The following LEFTY1 variants were observed in gnomAD, a reference collection of about 807,000 sequenced individuals.
The protein encoded by LEFTY1 is left-right determination factor B.
In LEFTY1, 18 loss-of-function variants were observed where a neutral mutation model predicts 22.6. The observed-to-expected ratio is 0.80, with a 90% CI of 0.55 to 1.18. LEFTY1 has a LOEUF of 1.18. LEFTY1 is among the 50% of genes most tolerant of loss of function. The pLI is 0.00. For missense variants in LEFTY1, 414 were observed against 495.4 expected (o/e 0.84, Z 1.56); for synonymous variants, 201 against 231.5 (o/e 0.87, Z 1.20).
rs773944551 is a variant in LEFTY1 at position 225,887,623 on chromosome 1, G to C, written c.513C>G (p.His171Gln). Residue 171 changes from histidine (H) to glutamine (Q), a missense_variant, in exon 3 of 4, where the codon CAC (histidine) becomes CAG (glutamine). Around this residue, in one of 2 missense-constraint regions of LEFTY1, gnomAD observed 398 missense variants for 454.7 expected, o/e 0.88. Transcript: ENST00000272134. ...SLIDSRLVSVHESGWKAFDVT... is the reference protein window; with the variant it reads ...SLIDSRLVSVQESGWKAFDVT... The stretch of plus-strand genomic sequence containing the variant: ...CGTCGAAGGCCTTCCAGCCGCTCTC[G>C]TGGACGGACACCAGCCTGAGACATG... 5 of 1,612,310 alleles carry C rather than the reference G, an allele frequency of 3.1e-6. 1 individual carries two copies. Among genetic ancestry groups the C allele is most frequent in the Non-Finnish European group, 3.4e-6 (4 of 1,179,778 alleles).
intron 1 of LEFTY1, among the ~76,000 whole-genome samples, chr1:225,888,396 A>G (rs1671332109): frequency 6.6e-6 from 1 of 152,160 alleles, no homozygotes; most frequent in Non-Finnish European, 1.5e-5. Flanking sequence ...CACCCCTGAC[A>G]GCCAGGTATA....
chr1:225,886,616 G>A lies in LEFTY1; in HGVS notation c.*111C>T, dbSNP rs1671282692. The A allele has an allele frequency of 6.4e-7, 1 of 1,552,622 alleles. No individual in the cohort carries two copies. Among genetic ancestry groups the A allele is most frequent in the African/African-American group, 1.4e-5 (1 of 73,512 alleles). The stretch of plus-strand genomic sequence containing the variant: ...GGAAGCAAATTCAGGGCTCACTAGA[G>A]AGCACAGAGCATTTGTCCATCAGCA... On this transcript the variant is annotated 3_prime_UTR_variant, in exon 4 of 4. Transcript: ENST00000272134.
chr1:225,887,369 C>T, intron 3 of LEFTY1, 30 bp downstream of exon 3: 1 of 1,611,366 alleles, frequency 6.2e-7, no homozygotes, highest in Non-Finnish European at 8.5e-7. Context: ...CTCTTTATTC[C>T]GGCTTACCAG....
At chr1:225,887,197 T>C (rs1559059658) in intron 3 of LEFTY1, 107 bp from the exon 4 acceptor site, 9 of 1,481,848 alleles carry the variant, frequency 6.1e-6, no homozygotes, top group Non-Finnish European at 8.1e-6. Flanking sequence ...AAAAGCTGGA[T>C]GTTTGTGATA....
chr1:225,887,849 ACCCGGG>A lies in LEFTY1; in HGVS notation c.428_433del (p.Ala143_Arg144del), dbSNP rs1490087199. Reference sequence around the variant, plus strand: ...GCGGACGCGCAGCCACTCGACGGTCACCCGGGCCCGGGCGCTGCGCGGGGACAGCCG... The same window carrying A: ...GCGGACGCGCAGCCACTCGACGGTCACCCGGGCGCTGCGCGGGGACAGCCG... On this transcript the variant is annotated inframe_deletion, in exon 2 of 4. Coordinates refer to ENST00000272134, the MANE Select transcript of LEFTY1 (RefSeq NM_020997.4). The A allele has an allele frequency of 8.5e-6, 13 of 1,530,784 alleles. No homozygotes were observed. The East Asian group carries it at 3.0e-4, about 35-fold the overall frequency. The allele number at this position is 1,530,784 out of a possible 1,614,324, so 94.8% of individuals were successfully genotyped here.
In LEFTY1 at chr1:225,888,867, C is replaced by T. The variant is rs760195038; in HGVS notation, c.200G>A (p.Arg67His). ...VRAQYVALLQ[R>H]SHGDRSRGKR... is the part of the protein sequence containing the mutation. ...TCCGCGGGAGCGGTCCCCGTGGCTGCGCTGCAGCAGGGCCACGTACTGGGC... is the reference window on the plus strand; with the variant it reads ...TCCGCGGGAGCGGTCCCCGTGGCTGTGCTGCAGCAGGGCCACGTACTGGGC... The change falls in exon 1 of 4, where the codon CGC (arginine) becomes CAC (histidine). Residue 67 changes from arginine to histidine, a missense_variant. Physicochemically the swap from Arg to His is conservative, Grantham distance 29. Transcript: ENST00000272134. The T allele has an allele frequency of 1.1e-5, 17 of 1,613,102 alleles. No individual in the cohort carries two copies. Among genetic ancestry groups the T allele is most frequent in the South Asian group, 3.3e-5 (3 of 91,070 alleles).
chr1:225,887,272 G>C, intron 3 of LEFTY1, 127 bp downstream of exon 3: 1 of 1,526,464 alleles, frequency 6.6e-7, no homozygotes, highest in East Asian at 2.3e-5. Context: ...TCTCCTAAGA[G>C]TCAGAGGAAG....
At position 225,886,674 on chromosome 1, in the gene LEFTY1, G is replaced by A. The variant is rs544009880; in HGVS notation, c.*53C>T. 3.7e-5 allele frequency: 59 copies of A among 1,610,136 alleles called. No individual in the cohort carries two copies. The highest frequency in any genetic ancestry group is 2.6e-5 in the Non-Finnish European group (31 of 1,179,334). ...CATCGCCAGCTCTCCTGGTACCCTC[G>A]AACACTTCAGAAACACACACAAGTC... On this transcript the variant is annotated 3_prime_UTR_variant, in exon 4 of 4. Coordinates refer to ENST00000272134, the MANE Select transcript of LEFTY1 (RefSeq NM_020997.4).
At chr1:225,888,687 C>T (rs1671337116) in intron 1 of LEFTY1, 130 bp downstream of exon 1, 2 of 1,258,350 alleles carry the variant, frequency 1.6e-6, no homozygotes, top group Non-Finnish European at 1.1e-6. Context: ...CACCTCACTG[C>T]CCCTTAGACC....
chr1:225,887,519 T>C lies in LEFTY1; in HGVS notation c.617A>G (p.Glu206Gly), dbSNP rs1473677890. The change falls in exon 3 of 4, where the codon GAG becomes GGG. Residue 206 changes from glutamate to glycine, a missense_variant. Physicochemically the swap from Glu to Gly is moderately conservative, Grantham distance 98 (BLOSUM62 -2). Coordinates refer to ENST00000272134, the MANE Select transcript of LEFTY1 (RefSeq NM_020997.4). ...PLLLQVSVQR[E>G]HLGPLASGAH... ...GCCGGACGCCAGCGGGCCCAGATGCTCCCTCTGCACCGACACCTGTAGCAG... is the reference window on the plus strand; with the variant it reads ...GCCGGACGCCAGCGGGCCCAGATGCCCCCTCTGCACCGACACCTGTAGCAG... 1 of 1,611,690 alleles carries C rather than the reference T, an allele frequency of 6.2e-7. No homozygotes were observed. The highest frequency in any genetic ancestry group is 8.5e-7 in the Non-Finnish European group (1 of 1,179,398).
chr1:225,887,034 C>A lies in LEFTY1; in HGVS notation c.794G>T (p.Arg265Leu). 6.3e-7 allele frequency: 1 copy of A among 1,598,106 alleles called. No individual in the cohort carries two copies. The highest frequency in any genetic ancestry group is 8.5e-7 in the Non-Finnish European group (1 of 1,171,402). Residue 265 changes from arginine to leucine, a missense_variant, in exon 4 of 4, where the codon CGC becomes CTC. Physicochemically the swap from Arg to Leu is moderately radical, Grantham distance 102. This residue lies in a region of LEFTY1 where 398 missense variants were observed against 454.7 expected (regional missense o/e 0.88). Coordinates refer to ENST00000272134, the MANE Select transcript of LEFTY1 (RefSeq NM_020997.4). Reference protein sequence around the residue: ...APMTEGTRCCRQEMYIDLQGM... With the variant: ...APMTEGTRCCLQEMYIDLQGM... ...CTGCAGGTCAATGTACATCTCCTGG[C>A]GGCAGCAGCGGGTGCCCTCGGTCAT... is the stretch of plus-strand genomic sequence containing the variant.
chr1:225,887,822 T>A lies in LEFTY1; in HGVS notation c.461A>T (p.Asp154Val), dbSNP rs1452191041. 7.8e-6 allele frequency: 12 copies of A among 1,536,706 alleles called. No individual in the cohort carries two copies. Among genetic ancestry groups the A allele is most frequent in the Non-Finnish European group, 8.7e-6 (10 of 1,147,832 alleles). ...RVTVEWLRVR[D>V]DGSNRTSLID... ...GAGGGAGGTGCGGTTGGAGCCGTCG[T>A]CGCGGACGCGCAGCCACTCGACGGT... Residue 154 changes from aspartate to valine, a missense_variant, in exon 2 of 4, where the codon GAC becomes GTC. Asp to Val is a radical substitution (Grantham distance 152, BLOSUM62 -3). This residue lies in a region of LEFTY1 where 398 missense variants were observed against 454.7 expected (regional missense o/e 0.88). Transcript: ENST00000272134.
chr1:225,888,951 T>C lies in LEFTY1; in HGVS notation c.116A>G (p.Glu39Gly), dbSNP rs776318086. 41 of 1,609,142 alleles carry C rather than the reference T, an allele frequency of 2.5e-5. 1 individual carries two copies. In the South Asian group the frequency reaches 4.4e-4, roughly 17 times the overall value. ...GSLLRQLQLK[E>G]VPTLDRADME... ...GTCGGCCCTGTCCAGGGTGGGCACC[T>C]CTTTGAGCTGCAGCTGCCGCAGCAG... Residue 39 changes from glutamate (E) to glycine (G), a missense_variant, in exon 1 of 4, where the codon GAG becomes GGG. Glu to Gly is a moderately conservative substitution (Grantham distance 98). Coordinates refer to ENST00000272134, the MANE Select transcript of LEFTY1 (RefSeq NM_020997.4).
At chr1:225,887,374 T>A (rs1366317664) in intron 3 of LEFTY1, 25 bp downstream of exon 3, 1 of 1,612,634 alleles carries the variant, frequency 6.2e-7, no homozygotes, top group Non-Finnish European at 8.5e-7. Flanking sequence ...TATTCCGGCT[T>A]ACCAGTTTGA....
At position 225,888,810 on chromosome 1, in the gene LEFTY1, G is replaced by T. The variant is rs199795988; in HGVS notation, c.250+7C>A. 8.8e-5 allele frequency: 142 copies of T among 1,612,932 alleles called. No homozygotes were observed. The highest frequency in any genetic ancestry group is 5.1e-4 in the Middle Eastern group (3 of 5,882). ...GGACCAGGGGCAGCAGGGAGGGAGG[G>T]CCTCACCTCGGAAGCTCTGGCTGAA... On this transcript the variant is annotated splice_region_variant and intron_variant, in intron 1 of 3. Coordinates refer to ENST00000272134, the MANE Select transcript of LEFTY1 (RefSeq NM_020997.4).
intron 1 of LEFTY1, 102 bp downstream of exon 1, chr1:225,888,715 T>G: frequency 6.6e-7 from 1 of 1,507,294 alleles, no homozygotes; most frequent in Non-Finnish European, 9.0e-7. Flanking sequence ...TCACTCAGCC[T>G]CCCACAGACC....
rs557314153 is a variant in LEFTY1, at chr1:225,887,170, T to A, written c.738-80A>T. 7.9e-6 allele frequency: 12 copies of A among 1,511,118 alleles called. No individual in the cohort carries two copies. In the East Asian group the frequency reaches 2.8e-4, roughly 35 times the overall value. 93.6% of individuals were successfully genotyped at this position (1,511,118 alleles called of 1,614,324 possible). On this transcript the variant is annotated intron_variant, in intron 3 of 3. Coordinates refer to ENST00000272134, the MANE Select transcript of LEFTY1 (RefSeq NM_020997.4). ...GGGCGTCTGGGATGGAGATTTATGA[T>A]CCACCTCTCAACTTCAAAAAGCTGG... is the stretch of plus-strand genomic sequence containing the variant.
rs771852624 is a variant in LEFTY1, at chr1:225,887,008, C to A, written c.820G>T (p.Gly274Trp). The A allele has an allele frequency of 7.5e-6, 12 of 1,606,614 alleles. No individual in the cohort carries two copies. The South Asian group carries it at 7.7e-5, about 10-fold the overall frequency. ...ACCCAGTTCTCGGCCCACTTCATCCCCTGCAGGTCAATGTACATCTCCTGG... is the reference window on the plus strand; with the variant it reads ...ACCCAGTTCTCGGCCCACTTCATCCACTGCAGGTCAATGTACATCTCCTGG... ...CRQEMYIDLQ[G>W]MKWAENWVLE... is the part of the protein sequence containing the mutation. The change falls in exon 4 of 4, where the codon GGG (glycine) becomes TGG (tryptophan). Residue 274 changes from glycine (G) to tryptophan (W), a missense_variant. This residue lies in a region of LEFTY1 where 398 missense variants were observed against 454.7 expected (regional missense o/e 0.88). Coordinates refer to ENST00000272134, the MANE Select transcript of LEFTY1 (RefSeq NM_020997.4).
intron 3 of LEFTY1, 152 bp downstream of exon 3, chr1:225,887,247 G>A (rs2102657138): frequency 1.4e-6 from 2 of 1,479,180 alleles, no homozygotes; most frequent in African/African-American, 1.4e-5. Context: ...ATTAATAACC[G>A]ATATTTACTG....
Sources: gnomAD v4.1 joint callset for allele counts (sites outside exome capture counted in the v4.1 genomes callset) on GRCh38, gnomAD v4.1.1 for gene constraint, gnomAD v4.1.1 regional missense constraint, MANE v1.5 for transcripts, NCBI Gene and HGNC (gene_info 2026-07-23, HGNC 2026-07-21) for gene names.